KLHL1: variants seen among roughly 807,000 people sequenced by gnomAD.
KLHL1 encodes kelch like family member 1, also known as kelch-like protein 1.
KLHL1 carries 47 observed loss-of-function variants against 77.7 expected under a neutral mutation model. That is an observed-to-expected ratio of 0.60 (90% confidence interval 0.48 to 0.77). KLHL1 has a LOEUF of 0.77. KLHL1 is among the 30% of genes least tolerant of loss of function. KLHL1 has a pLI of 0.00. For synonymous variants in KLHL1, 360 were observed against 325.2 expected, an observed-to-expected ratio of 1.11 and a Z score of -1.15; for missense variants, 925 against 910.8, an observed-to-expected ratio of 1.02 and a Z score of -0.20.
intron 1 of KLHL1, among the ~76,000 whole-genome samples, chr13:70,101,876 A>G (rs961409154): frequency 6.6e-6 from 1 of 152,032 alleles, no homozygotes. Flanking sequence ...CTTTCCCCAA[A>G]TAAGGTATTA....
At chr13:69,799,362 C>G (rs1877273242) in intron 6 of KLHL1, among the ~76,000 whole-genome samples, 1 of 152,106 alleles carries the variant, frequency 6.6e-6, no homozygotes, top group Non-Finnish European at 1.5e-5. Flanking sequence ...TCCGAGCAAG[C>G]AAAGGAGTTG....
chr13:69,714,937 C>A (rs954769911), intron 9 of KLHL1, among the ~76,000 whole-genome samples: 9 of 152,026 alleles, frequency 5.9e-5, no homozygotes, highest in Admixed American at 5.3e-4. Flanking sequence ...TTCATTTATT[C>A]GTGCATATTT....
intron 1 of KLHL1, among the ~76,000 whole-genome samples, chr13:70,001,654 CTAT>C (rs1378418969): frequency 1.1e-4 from 12 of 113,178 alleles, no homozygotes; most frequent in Non-Finnish European, 2.1e-4. Flanking sequence ...GGATATCTAT[CTAT>C]TATCTATCTA....
intron 7 of KLHL1, among the ~76,000 whole-genome samples, chr13:69,758,838 T>G (rs2137961587): frequency 6.6e-6 from 1 of 152,298 alleles, no homozygotes; most frequent in African/African-American, 2.4e-5. Flanking sequence ...GTTTAATAAT[T>G]AATGTTTCCG....
At chr13:69,815,378 A>G (rs1308290335) in intron 6 of KLHL1, among the ~76,000 whole-genome samples, 2 of 152,230 alleles carry the variant, frequency 1.3e-5, no homozygotes, top group Non-Finnish European at 2.9e-5. Flanking sequence ...CAGCCATAAT[A>G]AAGAATGAAA....
At chr13:69,709,361 A>C (rs1324092693) in intron 9 of KLHL1, among the ~76,000 whole-genome samples, 1 of 152,138 alleles carries the variant, frequency 6.6e-6, no homozygotes, top group Non-Finnish European at 1.5e-5. Context: ...AAGGGAGAAA[A>C]TAGTTCAATC....
rs781096392 is a variant in KLHL1 at position 69,828,726 on chromosome 13, G to C, written c.1414+10250C>G. Among the ~76,000 whole-genome samples, 2 of 150,162 alleles carry C rather than the reference G, an allele frequency of 1.3e-5. 1 individual carries two copies. Among genetic ancestry groups the C allele is most frequent in the Non-Finnish European group, 3.0e-5 (2 of 67,782 alleles). On this transcript the variant is annotated intron_variant, in intron 6 of 10. Coordinates refer to ENST00000377844, the MANE Select transcript of KLHL1 (RefSeq NM_020866.3). ...CCAGGCTGATGCTGGGACAAGGTGG[G>C]AATAAGGCTGGCCTTGCTGGCTGTG...
Position 69,901,922 on chromosome 13 carries a change from C to T in KLHL1, c.1015-19427G>A, listed in dbSNP as rs576192377. ...AAGCGATTCTCCTGCCTCAGCCTTC[C>T]GAGCAGCTGGGGTTACAAGCATGTA... On this transcript the variant is annotated intron_variant, in intron 4 of 10. Coordinates refer to ENST00000377844, the MANE Select transcript of KLHL1 (RefSeq NM_020866.3). Among the ~76,000 whole-genome samples, 3 of 151,768 alleles carry T rather than the reference C, an allele frequency of 2.0e-5. No individual in the cohort carries two copies. The South Asian group carries it at 6.2e-4, about 32-fold the overall frequency.
At chr13:69,760,741 C>T (rs2137964650) in intron 7 of KLHL1, among the ~76,000 whole-genome samples, 1 of 152,210 alleles carries the variant, frequency 6.6e-6, no homozygotes, top group South Asian at 2.1e-4. Context: ...AATACAAATA[C>T]TGAAATATTT....
At chr13:69,887,886 T>C (rs1198667264) in intron 4 of KLHL1, among the ~76,000 whole-genome samples, 1 of 152,216 alleles carries the variant, frequency 6.6e-6, no homozygotes, top group Non-Finnish European at 1.5e-5. Context: ...CCAGCCATTA[T>C]TCATTATGTA....
rs148404592 is a variant in KLHL1, at chr13:69,829,222, G to A, written c.1414+9754C>T. Among the ~76,000 whole-genome samples, 182 of 149,926 alleles carry A rather than the reference G, an allele frequency of 1.2e-3. 8 individuals carry two copies. The highest frequency in any genetic ancestry group is 2.6e-3 in the Admixed American group (39 of 15,052). ...TTCACTTCACTCCCCTACTACCTCC[G>A]CTGTTGTGTATGGCTGAGAGACCTG... is the stretch of plus-strand genomic sequence containing the variant. On this transcript the variant is annotated intron_variant, in intron 6 of 10. Coordinates refer to ENST00000377844, the MANE Select transcript of KLHL1 (RefSeq NM_020866.3).
chr13:70,007,203 G>T (rs776347019), intron 1 of KLHL1, among the ~76,000 whole-genome samples: 1 of 151,846 alleles, frequency 6.6e-6, no homozygotes, highest in Non-Finnish European at 1.5e-5. Context: ...GGAATGTGTC[G>T]TATTGCAATA....
chr13:69,762,571 A>T (rs1206903957), intron 7 of KLHL1, among the ~76,000 whole-genome samples: 1 of 151,112 alleles, frequency 6.6e-6, no homozygotes, highest in East Asian at 1.9e-4. Context: ...TAAAACTTTG[A>T]ATCTTAGGCT....
At chr13:69,702,709 TA>T (rs1000414173) in intron 10 of KLHL1, among the ~76,000 whole-genome samples, 6 of 151,760 alleles carry the variant, frequency 4.0e-5, no homozygotes, top group African/African-American at 1.2e-4. Flanking sequence ...CACTGTAGGT[TA>T]AAAAAATCCA....
intron 1 of KLHL1, among the ~76,000 whole-genome samples, chr13:70,031,239 T>G (rs1329830962): frequency 6.6e-6 from 1 of 152,132 alleles, no homozygotes; most frequent in Non-Finnish European, 1.5e-5. Flanking sequence ...TCATTCAGCT[T>G]TCCTAAGCTC....
chr13:69,828,838 C>A lies in KLHL1; in HGVS notation c.1414+10138G>T, dbSNP rs768123949. On this transcript the variant is annotated intron_variant, in intron 6 of 10. Coordinates refer to ENST00000377844, the MANE Select transcript of KLHL1 (RefSeq NM_020866.3). ...CGCAGCAGAAGCAGCCATAATCCCC[C>A]TGGGAAAGTAACTCCATTGGCCAGA... is the stretch of plus-strand genomic sequence containing the variant. 2.2e-4 allele frequency among the ~76,000 whole-genome samples: 33 copies of A among 150,076 alleles called. 2 individuals carry two copies. Among genetic ancestry groups the A allele is most frequent in the Non-Finnish European group, 3.4e-4 (23 of 67,734 alleles).
chr13:70,002,944 G>T (rs1885332536), intron 1 of KLHL1, among the ~76,000 whole-genome samples: 1 of 151,520 alleles, frequency 6.6e-6, no homozygotes, highest in Non-Finnish European at 1.5e-5. Flanking sequence ...GGGAAAATAA[G>T]ATACACACAT....
At chr13:69,914,952 AAAC>A (rs1882371069) in intron 4 of KLHL1, among the ~76,000 whole-genome samples, 1 of 152,186 alleles carries the variant, frequency 6.6e-6, no homozygotes, top group South Asian at 2.1e-4. Context: ...ATACACATGT[AAAC>A]AACACTAACA....
rs193182390 is a variant in KLHL1, at chr13:69,821,982, G to A, written c.1414+16994C>T. Among the ~76,000 whole-genome samples, 429 of 152,094 alleles carry A rather than the reference G, an allele frequency of 2.8e-3. 1 individual carries two copies. Among genetic ancestry groups the A allele is most frequent in the Middle Eastern group, 6.8e-3 (2 of 294 alleles). On this transcript the variant is annotated intron_variant, in intron 6 of 10. Coordinates refer to ENST00000377844, the MANE Select transcript of KLHL1 (RefSeq NM_020866.3). Reference sequence around the variant, plus strand: ...TGAGAGGTCAAGGCAGGCAAATCACGAAGTCAGGAGTTTGAGACCAGCCTG... The same window carrying A: ...TGAGAGGTCAAGGCAGGCAAATCACAAAGTCAGGAGTTTGAGACCAGCCTG...
Sources: allele counts gnomAD v4.1 joint callset (sites outside exome capture counted in the v4.1 genomes callset), GRCh38; gene constraint gnomAD v4.1.1; transcripts MANE v1.5; gene names NCBI Gene and HGNC (gene_info 2026-07-23, HGNC 2026-07-21).